Variants in PCDH15 observed in about 807,000 individuals in gnomAD.
PCDH15 encodes the protein protocadherin related 15.
Under a neutral mutation model 178.5 loss-of-function variants are expected in PCDH15, and 129 were observed. The ratio of observed to expected loss-of-function variants is 0.72; its 90% confidence interval spans 0.63 to 0.84. PCDH15 has a LOEUF of 0.84. Ranked by LOEUF, PCDH15 falls within the 40% of genes least tolerant of loss-of-function variation. The pLI, the probability that PCDH15 is intolerant of heterozygous loss-of-function variation, is 0.00. For synonymous variants in PCDH15, 800 were observed against 732.0 expected (o/e 1.09, Z -1.50); for missense variants, 2,230 against 2,099.9 (o/e 1.06, Z -1.21).
Position 54,181,205 on chromosome 10 carries a change from G to A in PCDH15, c.1590+2239C>T, listed in dbSNP as rs1306953767. On this transcript the variant is annotated intron_variant, in intron 13 of 37. Coordinates refer to ENST00000644397, the MANE Select transcript of PCDH15 (RefSeq NM_001384140.1). ...ATGATTTTTCTACCTGTGAAAAGGT[G>A]ATTTAGCAAAGAAAAATGTAGCTCT... is the stretch of plus-strand genomic sequence containing the variant. Among the ~76,000 whole-genome samples, 3 of 152,024 alleles carry A rather than the reference G, an allele frequency of 2.0e-5. No individual in the cohort carries two copies. In the East Asian group the frequency reaches 5.8e-4, roughly 29 times the overall value.
chr10:55,574,352 G>A (rs1016483047), intron 2 of PCDH15, among the ~76,000 whole-genome samples: 1 of 151,994 alleles, frequency 6.6e-6, no homozygotes, highest in African/African-American at 2.4e-5. Flanking sequence ...AGATGTTTCT[G>A]TACCACAATT....
chr10:54,125,203 T>C (rs1265204176), intron 15 of PCDH15, among the ~76,000 whole-genome samples: 1 of 152,180 alleles, frequency 6.6e-6, no homozygotes, highest in African/African-American at 2.4e-5. Context: ...CTTCTTGGTC[T>C]GTTTCTCGTC....
chr10:54,733,364 C>T (rs1322800539), intron 1 of PCDH15, among the ~76,000 whole-genome samples: 1 of 151,450 alleles, frequency 6.6e-6, no homozygotes, highest in Non-Finnish European at 1.5e-5. Flanking sequence ...GTAACCATAC[C>T]ATGTACAATA....
chr10:53,969,350 G>A lies in PCDH15; in HGVS notation c.2869-7458C>T, dbSNP rs138670918. On this transcript the variant is annotated intron_variant, in intron 21 of 37. Coordinates refer to ENST00000644397, the MANE Select transcript of PCDH15 (RefSeq NM_001384140.1). ...ATGAACAAAGCCTCCAAGAAATATG[G>A]AACTATGTGAAAAGACCAAATCTAC... Among the ~76,000 whole-genome samples, 475 of 152,250 alleles carry A rather than the reference G, an allele frequency of 3.1e-3. 14 individuals carry two copies. The East Asian group carries it at 0.074, about 24-fold the overall frequency.
chr10:54,014,345 G>GA (rs72509014), intron 20 of PCDH15, among the ~76,000 whole-genome samples: 5 of 151,688 alleles, frequency 3.3e-5, no homozygotes, highest in Admixed American at 1.3e-4. Flanking sequence ...CATGTATAAA[G>GA]AGCTGGTACC....
chr10:54,667,148 C>A (rs1409668645), intron 1 of PCDH15, among the ~76,000 whole-genome samples: 1 of 151,930 alleles, frequency 6.6e-6, no homozygotes, highest in East Asian at 1.9e-4. Context: ...ACTTATTTGT[C>A]TTTGAATAAT....
intron 2 of PCDH15, among the ~76,000 whole-genome samples, chr10:55,143,462 C>A (rs1375093723): frequency 6.6e-6 from 1 of 152,116 alleles, no homozygotes; most frequent in Non-Finnish European, 1.5e-5. Context: ...CACACTCAAA[C>A]TGTATCATGA....
At chr10:54,756,791 A>G (rs1947192835) in intron 1 of PCDH15, among the ~76,000 whole-genome samples, 1 of 152,210 alleles carries the variant, frequency 6.6e-6, no homozygotes, top group South Asian at 2.1e-4. Flanking sequence ...TTGCCTTAGA[A>G]CAGGACAACA....
At chr10:54,454,888 C>T (rs1241492896) in intron 3 of PCDH15, among the ~76,000 whole-genome samples, 1 of 152,136 alleles carries the variant, frequency 6.6e-6, no homozygotes, top group African/African-American at 2.4e-5. Context: ...GCTGTGTCCC[C>T]ACCCATATAT....
chr10:55,535,493 C>T (rs1267784740), intron 2 of PCDH15, among the ~76,000 whole-genome samples: 1 of 151,918 alleles, frequency 6.6e-6, no homozygotes, highest in Non-Finnish European at 1.5e-5. Context: ...AAGACAACTC[C>T]AATGTACAAG....
At chr10:54,757,162 G>A (rs1031783814) in intron 1 of PCDH15, among the ~76,000 whole-genome samples, 1 of 152,108 alleles carries the variant, frequency 6.6e-6, no homozygotes, top group African/African-American at 2.4e-5. Context: ...TGTTCTATTA[G>A]CTGGGGACAA....
At chr10:54,594,541 G>A (rs538801119) in intron 2 of PCDH15, among the ~76,000 whole-genome samples, 1 of 152,204 alleles carries the variant, frequency 6.6e-6, no homozygotes, top group African/African-American at 2.4e-5. Flanking sequence ...CTGGGAGAGT[G>A]CTCCAGAAGA....
intron 9 of PCDH15, among the ~76,000 whole-genome samples, chr10:54,219,550 G>A (rs187869357): frequency 3.9e-5 from 5 of 129,358 alleles, no homozygotes; most frequent in East Asian, 2.3e-4. Context: ...CCAAGATCCC[G>A]CCACTGCACT....
chr10:54,064,021 G>A (rs1024878340), intron 18 of PCDH15, among the ~76,000 whole-genome samples: 1 of 152,128 alleles, frequency 6.6e-6, no homozygotes, highest in African/African-American at 2.4e-5. Flanking sequence ...CCATTTGGTG[G>A]GTCCCGAGTT....
intron 1 of PCDH15, among the ~76,000 whole-genome samples, chr10:54,749,065 A>C (rs1181125944): frequency 6.6e-6 from 1 of 152,218 alleles, no homozygotes; most frequent in Admixed American, 6.5e-5. Flanking sequence ...CTTGACTAAG[A>C]TCACAGAGTT....
In PCDH15 at chr10:54,574,702, G is replaced by A. The variant is rs997050758; in HGVS notation, c.92-46825C>T. Among the ~76,000 whole-genome samples the A allele has an allele frequency of 1.8e-3, 266 of 149,938 alleles. 1 individual carries two copies. Among genetic ancestry groups the A allele is most frequent in the African/African-American group, 6.4e-3 (261 of 40,740 alleles). On this transcript the variant is annotated intron_variant, in intron 2 of 37. Coordinates refer to ENST00000644397, the MANE Select transcript of PCDH15 (RefSeq NM_001384140.1). ...TAGGAACACTTTTACACTGTTGGTG[G>A]GACTGTAAACTAGTTCAACCATTGT... is the stretch of plus-strand genomic sequence containing the variant.
intron 3 of PCDH15, among the ~76,000 whole-genome samples, chr10:54,840,305 C>T (rs1054011371): frequency 2.6e-5 from 4 of 151,608 alleles, no homozygotes; most frequent in African/African-American, 7.3e-5. Context: ...ATTGATAGCA[C>T]GAAGTCTGGG....
chr10:54,310,377 G>C (rs2060830323), intron 8 of PCDH15, among the ~76,000 whole-genome samples: 1 of 152,102 alleles, frequency 6.6e-6, no homozygotes, highest in Non-Finnish European at 1.5e-5. Flanking sequence ...TCTTTAAATA[G>C]ATGTTCTGAC....
At chr10:55,583,834 A>C (rs1842671051) in intron 2 of PCDH15, among the ~76,000 whole-genome samples, 1 of 152,114 alleles carries the variant, frequency 6.6e-6, no homozygotes, top group African/African-American at 2.4e-5. Flanking sequence ...AGATTCAGAA[A>C]ATTTTAATAA....
Sources: allele counts gnomAD v4.1 joint callset (sites outside exome capture counted in the v4.1 genomes callset), GRCh38; gene constraint gnomAD v4.1.1; transcripts MANE v1.5; gene names NCBI Gene and HGNC (gene_info 2026-07-23, HGNC 2026-07-21).